Variants in DST observed in about 807,000 individuals in gnomAD.
DST encodes the protein dystonin.
DST carries 253 observed loss-of-function variants against 875.2 expected under a neutral mutation model. The ratio of observed to expected loss-of-function variants is 0.29; its 90% CI spans 0.26 to 0.32. DST has a LOEUF of 0.32. Ranked by LOEUF, DST falls within the 10% of genes least tolerant of loss-of-function variation. The pLI, the probability that DST is intolerant of heterozygous loss-of-function variation, is 1.00. For missense variants in DST, 8,287 were observed against 9,111.6 expected (o/e 0.91, Z 3.68); for synonymous variants, 3,124 against 3,197.1 (o/e 0.98, Z 0.77).
chr6:56,715,356 C>T (rs1458570110), intron 5 of DST, among the ~76,000 whole-genome samples: 5 of 152,226 alleles, frequency 3.3e-5, no homozygotes, highest in African/African-American at 1.2e-4. Flanking sequence ...ATGTCCACTT[C>T]TGCATGCCAA....
At chr6:56,621,886 T>C (rs767210602) in intron 36 of DST, among the ~76,000 whole-genome samples, 1 of 152,318 alleles carries the variant, frequency 6.6e-6, no homozygotes, top group East Asian at 1.9e-4. Context: ...ATACATCTTA[T>C]TTTGCTTCCT....
chr6:56,692,812 G>T, intron 9 of DST: 1 of 1,289,730 alleles, frequency 7.8e-7, no homozygotes, highest in Middle Eastern at 2.1e-4. Flanking sequence ...TACAGCACTC[G>T]GCAGAAGTTT....
chr6:56,603,262 G>A lies in DST; in HGVS notation c.11100C>T (p.Leu3700=). The part of the protein sequence containing the change: ...HQSLKTAFSS[L]SNVSSERTKQ... Reference sequence around the variant, plus strand: ...TCGTTCTTTCTGAAGACACGTTGCTGAGGGAAGAGAAGGCGGTCTTCAAAC... The same window carrying A: ...TCGTTCTTTCTGAAGACACGTTGCTAAGGGAAGAGAAGGCGGTCTTCAAAC... Residue 3700 remains leucine, a synonymous_variant, in exon 42 of 104, where the codon CTC becomes CTT. Transcript: ENST00000680361. 2 of 1,609,182 alleles carry A rather than the reference G, an allele frequency of 1.2e-6. No individual in the cohort carries two copies. Among genetic ancestry groups the A allele is most frequent in the Non-Finnish European group, 1.7e-6 (2 of 1,178,018 alleles).
At chr6:56,744,959 T>C (rs1260554999) in intron 4 of DST, among the ~76,000 whole-genome samples, 1 of 152,198 alleles carries the variant, frequency 6.6e-6, no homozygotes, top group Non-Finnish European at 1.5e-5. Context: ...CAACTGATGT[T>C]CATGTTCTAG....
At chr6:56,844,443 A>T (rs1409405418) in intron 4 of DST, among the ~76,000 whole-genome samples, 3 of 152,234 alleles carry the variant, frequency 2.0e-5, no homozygotes, top group Non-Finnish European at 4.4e-5. Flanking sequence ...TCTACATAGT[A>T]CTAGTATCCA....
intron 2 of DST, among the ~76,000 whole-genome samples, chr6:56,903,870 A>T (rs1795205545): frequency 1.3e-5 from 2 of 152,080 alleles, no homozygotes; most frequent in South Asian, 4.2e-4. Flanking sequence ...TTTATACCCA[A>T]ATTTACTTGT....
At chr6:56,503,097 T>C (rs1334402933) in intron 78 of DST, among the ~76,000 whole-genome samples, 3 of 152,104 alleles carry the variant, frequency 2.0e-5, no homozygotes, top group Non-Finnish European at 2.9e-5. Flanking sequence ...CATTCTTATA[T>C]CATGGATGTG....
chr6:56,846,362 C>T (rs551037888), intron 4 of DST, among the ~76,000 whole-genome samples: 5 of 152,300 alleles, frequency 3.3e-5, no homozygotes, highest in East Asian at 1.9e-4. Context: ...ACCAAGTCTG[C>T]CTGAGTTCAA....
At chr6:56,922,371 T>C (rs367926347) in intron 2 of DST, among the ~76,000 whole-genome samples, 2 of 152,176 alleles carry the variant, frequency 1.3e-5, no homozygotes, top group East Asian at 1.9e-4. Context: ...GGCAATGTGG[T>C]TGGAATGTAA....
intron 4 of DST, among the ~76,000 whole-genome samples, chr6:56,817,447 G>A (rs1264481428): frequency 6.6e-6 from 1 of 152,128 alleles, no homozygotes; most frequent in Non-Finnish European, 1.5e-5. Flanking sequence ...AGCAATTTAT[G>A]AAAATAAAAC....
Position 56,627,870 on chromosome 6 carries a change from T to A in DST, c.4638+129A>T. On this transcript the variant is annotated intron_variant, in intron 33 of 103. Transcript: ENST00000680361. ...AGGTTTGGGTTGCAAGATTTTAATA[T>A]TTTTTATATACTCTCCACCTTCCTC... 3.5e-6 allele frequency: 3 copies of A among 858,464 alleles called. No homozygotes were observed. In the South Asian group the frequency reaches 4.9e-5, roughly 14 times the overall value. The allele number at this position is 858,464 out of a possible 1,614,324, so 53.2% of individuals were successfully genotyped here.
intron 4 of DST, among the ~76,000 whole-genome samples, chr6:56,805,088 A>C (rs1188221135): frequency 6.6e-6 from 1 of 152,222 alleles, no homozygotes; most frequent in South Asian, 2.1e-4. Context: ...TGTCTGTAAA[A>C]CAAGGTCTAA....
In DST at chr6:56,836,357, A is replaced by T. The variant is rs537025747; in HGVS notation, c.625+15040T>A. On this transcript the variant is annotated intron_variant, in intron 4 of 103. Coordinates refer to ENST00000680361, the MANE Select transcript of DST (RefSeq NM_001374736.1). Reference sequence around the variant, plus strand: ...TATACATAACATATATGTATTTCATATGCAATACCCAGCATCATGCCAGGC... The same window carrying T: ...TATACATAACATATATGTATTTCATTTGCAATACCCAGCATCATGCCAGGC... Among the ~76,000 whole-genome samples, 3 of 152,320 alleles carry T rather than the reference A, an allele frequency of 2.0e-5. No individual in the cohort carries two copies. The South Asian group carries it at 6.2e-4, about 32-fold the overall frequency.
At chr6:56,517,977 T>C (rs1376452061) in intron 69 of DST, among the ~76,000 whole-genome samples, 1 of 152,122 alleles carries the variant, frequency 6.6e-6, no homozygotes, top group Non-Finnish European at 1.5e-5. Context: ...TTTTAATCAT[T>C]TCACCCATCA....
intron 55 of DST, among the ~76,000 whole-genome samples, chr6:56,563,305 T>C (rs10956227): frequency 6.6e-6 from 1 of 152,256 alleles, no homozygotes; most frequent in African/African-American, 2.4e-5. Context: ...GGTACCTCAT[T>C]GTGGTTTTGA....
Position 56,606,437 on chromosome 6 carries a change from T to G in DST, c.8191A>C (p.Asn2731His). The G allele has an allele frequency of 6.2e-7, 1 of 1,613,442 alleles. No individual in the cohort carries two copies. The highest frequency in any genetic ancestry group is 1.7e-4 in the Middle Eastern group (1 of 6,058). Residue 2731 changes from asparagine (N) to histidine (H), a missense_variant, in exon 40 of 104, where the codon AAT becomes CAT. Physicochemically the swap from Asn to His is moderately conservative, Grantham distance 68. Transcript: ENST00000680361. ...TCAGATTCATCACCTTCAAGGATATTTGTGCATTCCCTTTCTGATCCAGTT... is the reference window on the plus strand; with the variant it reads ...TCAGATTCATCACCTTCAAGGATATGTGTGCATTCCCTTTCTGATCCAGTT... ...LETGSERECTNILEGDESDSL... is the reference protein window; with the variant it reads ...LETGSERECTHILEGDESDSL...
At chr6:56,481,143 T>C (rs917539350) in intron 90 of DST, among the ~76,000 whole-genome samples, 2 of 152,304 alleles carry the variant, frequency 1.3e-5, no homozygotes, top group South Asian at 4.1e-4. Context: ...CCATCTTTGA[T>C]AGAGGGTGTT....
chr6:56,605,247 A>G lies in DST; in HGVS notation c.9381T>C (p.Val3127=), dbSNP rs754258535. The part of the protein sequence containing the change: ...KDEPNNLQII[V]SKSPVQFENL... Reference sequence around the variant, plus strand: ...TCTCAAACTGAACAGGACTTTTACTAACTATTATTTGTAGATTATTTGGTT... The same window carrying G: ...TCTCAAACTGAACAGGACTTTTACTGACTATTATTTGTAGATTATTTGGTT... Residue 3127 remains valine (V), a synonymous_variant, in exon 40 of 104, where the codon GTT becomes GTC. Transcript: ENST00000680361. 5.6e-6 allele frequency: 9 copies of G among 1,610,774 alleles called. No individual in the cohort carries two copies. The highest frequency in any genetic ancestry group is 1.1e-5 in the South Asian group (1 of 90,874).
chr6:56,524,524 C>T (rs959752555), intron 69 of DST, among the ~76,000 whole-genome samples: 4 of 152,102 alleles, frequency 2.6e-5, no homozygotes, highest in African/African-American at 9.7e-5. Flanking sequence ...TGCTACTCTG[C>T]CACTTACTGC....
Sources: gnomAD v4.1 joint callset for allele counts (sites outside exome capture counted in the v4.1 genomes callset) on GRCh38, gnomAD v4.1.1 for gene constraint, MANE v1.5 for transcripts, NCBI Gene and HGNC (gene_info 2026-07-23, HGNC 2026-07-21) for gene names.